PRDM7: variants seen among roughly 807,000 people sequenced by gnomAD.
PRDM7 encodes the protein PR/SET domain 7.
In PRDM7, 52 loss-of-function variants were observed where a neutral mutation model predicts 64.3. That is an observed-to-expected ratio of 0.81 (90% CI 0.65 to 1.02). PRDM7 has a LOEUF of 1.02. PRDM7 is among the 50% of genes least tolerant of loss of function. The pLI is 0.00. For missense variants in PRDM7, 574 were observed against 597.1 expected, an observed-to-expected ratio of 0.96 and a Z score of 0.40; for synonymous variants, 192 against 210.1, an observed-to-expected ratio of 0.91 and a Z score of 0.74.
At position 90,058,113 on chromosome 16, in the gene PRDM7, C is replaced by T. The variant is rs570112691; in HGVS notation, c.*176G>A. The T allele has an allele frequency of 9.7e-5, 157 of 1,614,132 alleles. No individual in the cohort carries two copies. The East Asian group carries it at 1.2e-3, about 12-fold the overall frequency. On this transcript the variant is annotated 3_prime_UTR_variant, in exon 11 of 11. Coordinates refer to ENST00000449207, the MANE Select transcript of PRDM7 (RefSeq NM_001098173.2). ...GCCCACACTCTCCATATTTGACTTT[C>T]GCAATTCTTGAGATTCCTACCCCCA...
At chr16:90,063,879 T>C (rs2037826639) in intron 5 of PRDM7, 111 bp from the exon 6 acceptor site, 1 of 1,318,434 alleles carries the variant, frequency 7.6e-7, no homozygotes. Context: ...TGGAAATACC[T>C]AGAGTGTCTA....
chr16:90,060,847 T>G (rs1382111657), intron 9 of PRDM7, among the ~76,000 whole-genome samples: 1 of 152,214 alleles, frequency 6.6e-6, no homozygotes, highest in Non-Finnish European at 1.5e-5. Flanking sequence ...CAGAACTTGG[T>G]GCTTGATCAC....
chr16:90,059,991 C>T (rs540944066), intron 10 of PRDM7, among the ~76,000 whole-genome samples: 3 of 152,250 alleles, frequency 2.0e-5, no homozygotes, highest in Admixed American at 6.5e-5. Flanking sequence ...ACAACATATG[C>T]GTATCATTAA....
chr16:90,060,319 A>G (rs770895340), intron 10 of PRDM7, 22 bp downstream of exon 10: 4 of 1,613,892 alleles, frequency 2.5e-6, no homozygotes, highest in Non-Finnish European at 3.4e-6. Context: ...TGTCCTTTTA[A>G]AAGAGTAATA....
At chr16:90,066,756 G>C in intron 5 of PRDM7, 105 bp downstream of exon 5, 2 of 1,024,260 alleles carry the variant, frequency 2.0e-6, no homozygotes, top group South Asian at 2.6e-5. Flanking sequence ...GAGATCAGGA[G>C]AGGAAGGCAG....
Position 90,063,692 on chromosome 16 carries a change from C to A in PRDM7, c.428G>T (p.Ser143Ile), listed in dbSNP as rs1277509272. ...TGGTTTCTGAGCCTGCTCTGAGTCA[C>A]TTGTATTCAGTAAATTTGGCGTTCC... ...LSGTPNLLNT[S>I]DSEQAQKPVS... The change falls in exon 6 of 11, where the codon AGT (serine) becomes ATT (isoleucine). Residue 143 changes from serine (S) to isoleucine (I), a missense_variant. Physicochemically the swap from Ser to Ile is moderately radical, Grantham distance 142. Coordinates refer to ENST00000449207, the MANE Select transcript of PRDM7 (RefSeq NM_001098173.2). 2 of 1,614,172 alleles carry A rather than the reference C, an allele frequency of 1.2e-6. No individual in the cohort carries two copies. The highest frequency in any genetic ancestry group is 2.7e-5 in the African/African-American group (2 of 75,048).
chr16:90,061,670 C>A, intron 8 of PRDM7, 151 bp from the exon 9 acceptor site: 1 of 1,159,574 alleles, frequency 8.6e-7, no homozygotes, highest in Non-Finnish European at 1.3e-6. Context: ...ATCTACACAT[C>A]TGAGTTGGTT....
chr16:90,063,896 A>T (rs1428963676), intron 5 of PRDM7, 128 bp from the exon 6 acceptor site: 5 of 1,184,778 alleles, frequency 4.2e-6, no homozygotes, highest in Non-Finnish European at 4.8e-6. Flanking sequence ...TCTAAATACT[A>T]GAGGGAAAAG....
Position 90,074,963 on chromosome 16 carries a change from A to G in PRDM7, c.254T>C (p.Val85Ala). 1 of 1,613,934 alleles carries G rather than the reference A, an allele frequency of 6.2e-7. No individual in the cohort carries two copies. Among genetic ancestry groups the G allele is most frequent in the Non-Finnish European group, 8.5e-7 (1 of 1,179,998 alleles). The change falls in exon 4 of 11, where the codon GTG (valine) becomes GCG (alanine). Residue 85 changes from valine to alanine, a missense_variant. Transcript: ENST00000449207. ...CHRRQAIKLQ[V>A]DDTEDSDEEW... ...TTCATCGGAATCTTCTGTGTCATCC[A>G]CCTGGAGTTTGATGGCCTGCCTTCG...
Position 90,057,958 on chromosome 16 carries a change from G to C in PRDM7, c.*331C>G. On this transcript the variant is annotated 3_prime_UTR_variant, in exon 11 of 11. Transcript: ENST00000449207. ...TGCAGACATAAGGCTTCTCCCCTGTGTGTGTCCTCTGGTGACTGAGGAGGT... is the reference window on the plus strand; with the variant it reads ...TGCAGACATAAGGCTTCTCCCCTGTCTGTGTCCTCTGGTGACTGAGGAGGT... The C allele has an allele frequency of 6.2e-7, 1 of 1,601,494 alleles. No individual in the cohort carries two copies. The highest frequency in any genetic ancestry group is 1.3e-5 in the African/African-American group (1 of 74,762).
chr16:90,068,553 T>A (rs1401163785), intron 4 of PRDM7, among the ~76,000 whole-genome samples: 2 of 148,948 alleles, frequency 1.3e-5, no homozygotes, highest in Non-Finnish European at 3.0e-5. Context: ...GAGAATGGCA[T>A]GAACCTTGGA....
At chr16:90,074,524 C>T (rs1258553882) in intron 4 of PRDM7, among the ~76,000 whole-genome samples, 2 of 151,158 alleles carry the variant, frequency 1.3e-5, no homozygotes, top group African/African-American at 2.4e-5. Context: ...TGCAGTGAGC[C>T]GAGATTCTAC....
intron 4 of PRDM7, among the ~76,000 whole-genome samples, chr16:90,069,504 A>T (rs2037926439): frequency 6.6e-6 from 1 of 151,458 alleles, no homozygotes; most frequent in African/African-American, 2.5e-5. Context: ...AAAATAGACA[A>T]GTAGGACTAC....
intron 4 of PRDM7, among the ~76,000 whole-genome samples, chr16:90,072,442 T>C (rs1405476407): frequency 6.6e-6 from 1 of 152,174 alleles, no homozygotes; most frequent in Non-Finnish European, 1.5e-5. Context: ...CATGGGTGAA[T>C]CTTGGGAACA....
chr16:90,060,339 A>T lies in PRDM7; in HGVS notation c.1233+2T>A. The T allele has an allele frequency of 2.5e-6, 4 of 1,613,820 alleles. No homozygotes were observed. The highest frequency in any genetic ancestry group is 2.7e-5 in the African/African-American group (2 of 74,966). On this transcript the variant is annotated splice_donor_variant, in intron 10 of 10. Coordinates refer to ENST00000449207, the MANE Select transcript of PRDM7 (RefSeq NM_001098173.2). LOFTEE classifies it high-confidence loss of function. ...TTTTAAAAGAGTAATAGTGATGCCT[A>T]CCTCTCCCTGCCATGAGCTCTTTCT...
chr16:90,065,756 G>T (rs2037864612), intron 5 of PRDM7, among the ~76,000 whole-genome samples: 1 of 151,352 alleles, frequency 6.6e-6, no homozygotes, highest in African/African-American at 2.5e-5. Flanking sequence ...TGCCCCTGTA[G>T]AAAAATAACA....
Position 90,066,080 on chromosome 16 carries a change from T to C in PRDM7, c.351+781A>G, listed in dbSNP as rs566328863. Among the ~76,000 whole-genome samples the C allele has an allele frequency of 2.0e-4, 30 of 151,470 alleles. 2 individuals are homozygous for C. The highest frequency in any genetic ancestry group is 7.3e-4 in the African/African-American group (30 of 40,824). On this transcript the variant is annotated intron_variant, in intron 5 of 10. Coordinates refer to ENST00000449207, the MANE Select transcript of PRDM7 (RefSeq NM_001098173.2). ...GAGCTGTTACTGCCTTCTACAGGAA[T>C]GAGCATTTGAAATTGGTTCCAGAAG...
chr16:90,064,369 T>C (rs1224037223), intron 5 of PRDM7, among the ~76,000 whole-genome samples: 2 of 152,180 alleles, frequency 1.3e-5, no homozygotes, highest in African/African-American at 4.8e-5. Flanking sequence ...CTAATTTCTC[T>C]TTAGTTTCCC....
At position 90,056,743 on chromosome 16, in the gene PRDM7, A is replaced by T. The variant is rs918704775; in HGVS notation, c.*1546T>A. ...GGGGTAGGTGACAGGGGCTGCATGC[A>T]CCGATGGTCAGAGTGGAACAGAACA... On this transcript the variant is annotated 3_prime_UTR_variant, in exon 11 of 11. Coordinates refer to ENST00000449207, the MANE Select transcript of PRDM7 (RefSeq NM_001098173.2). 1 of 152,196 alleles carries T rather than the reference A, an allele frequency of 6.6e-6. No individual in the cohort carries two copies. The highest frequency in any genetic ancestry group is 2.4e-5 in the African/African-American group (1 of 41,426). The allele number at this position is 152,196 out of a possible 1,614,324, so 9.4% of individuals were successfully genotyped here.
Sources: allele counts gnomAD v4.1 joint callset (sites outside exome capture counted in the v4.1 genomes callset), GRCh38; gene constraint gnomAD v4.1.1; transcripts MANE v1.5; gene names NCBI Gene and HGNC (gene_info 2026-07-23, HGNC 2026-07-21).